Variants in VPS8 observed in about 807,000 individuals in gnomAD.
VPS8 encodes vacuolar protein sorting-associated protein 8 homolog.
In VPS8, 129 loss-of-function variants were observed where a neutral mutation model predicts 216.4. The ratio of observed to expected loss-of-function variants is 0.60; its 90% CI spans 0.52 to 0.69. The LOEUF (loss-of-function observed/expected upper bound fraction) is 0.69. Among genes scored for constraint, VPS8 ranks in the 30% least tolerant of loss-of-function variants. The pLI, the probability that VPS8 is intolerant of heterozygous loss-of-function variation, is 0.00. For missense variants in VPS8, 1,531 were observed against 1,683.5 expected (o/e 0.91, Z 1.59); for synonymous variants, 571 against 565.4 (o/e 1.01, Z -0.14).
At chr3:184,879,566 G>T (rs1027976756) in intron 21 of VPS8, among the ~76,000 whole-genome samples, 2 of 152,178 alleles carry the variant, frequency 1.3e-5, no homozygotes, top group African/African-American at 4.8e-5. Flanking sequence ...GCAAGAGAAG[G>T]ACTTGTTCTT....
intron 9 of VPS8, 103 bp downstream of exon 9, chr3:184,849,298 A>C: frequency 4.4e-6 from 6 of 1,355,182 alleles, no homozygotes; most frequent in Non-Finnish European, 6.0e-6. Flanking sequence ...GTTATGAAGT[A>C]ATATGTTTGT....
In VPS8 at chr3:185,051,857, G is replaced by A. The variant is rs746724353; in HGVS notation, c.4138-19G>A. 4.4e-5 allele frequency: 70 copies of A among 1,577,714 alleles called. No homozygotes were observed. Among genetic ancestry groups the A allele is most frequent in the Non-Finnish European group, 5.8e-5 (67 of 1,162,170 alleles). On this transcript the variant is annotated intron_variant, in intron 47 of 47. Coordinates refer to ENST00000625842, the MANE Select transcript of VPS8 (RefSeq NM_001009921.3). The stretch of plus-strand genomic sequence containing the variant: ...CTGCTCCCCACAAACCTTAGCTGAT[G>A]TGTGTCCTTCCTTTGCAGCTGGCTC...
intron 21 of VPS8, among the ~76,000 whole-genome samples, chr3:184,875,056 C>CTTTT (rs5855044): frequency 2.2e-4 from 22 of 100,272 alleles, no homozygotes; most frequent in Admixed American, 2.2e-4. Context: ...GTTTTTAAAA[C>CTTTT]TTTTTTTTTT....
At chr3:185,032,059 G>A (rs924862148) in intron 46 of VPS8, among the ~76,000 whole-genome samples, 1 of 152,080 alleles carries the variant, frequency 6.6e-6, no homozygotes, top group African/African-American at 2.4e-5. Flanking sequence ...GTCTACTTGG[G>A]AGGCTGAGGC....
intron 16 of VPS8, among the ~76,000 whole-genome samples, chr3:184,866,651 G>C (rs1172324831): frequency 1.3e-5 from 2 of 152,168 alleles, no homozygotes; most frequent in Non-Finnish European, 2.9e-5. Context: ...AACAAAAATA[G>C]TATGTAGCGC....
At chr3:184,955,557 C>T (rs113625899) in intron 36 of VPS8, among the ~76,000 whole-genome samples, 334 of 151,780 alleles carry the variant, frequency 2.2e-3, no homozygotes, top group Middle Eastern at 0.01. Context: ...TGCTGGTCTC[C>T]GCGTCTTGGT....
At chr3:184,961,130 T>TA (rs1746432719) in intron 37 of VPS8, among the ~76,000 whole-genome samples, 1 of 152,234 alleles carries the variant, frequency 6.6e-6, no homozygotes, top group Non-Finnish European at 1.5e-5. Flanking sequence ...CCATAAAACT[T>TA]AATAGACTAA....
intron 43 of VPS8, among the ~76,000 whole-genome samples, chr3:184,995,296 G>A (rs969348950): frequency 1.3e-5 from 2 of 152,084 alleles, no homozygotes; most frequent in African/African-American, 2.4e-5. Context: ...TTAAGAATCC[G>A]AGAGAAGAAA....
chr3:185,021,473 G>T (rs922058062), intron 45 of VPS8, among the ~76,000 whole-genome samples: 2 of 152,144 alleles, frequency 1.3e-5, no homozygotes, highest in African/African-American at 4.8e-5. Flanking sequence ...TCTTTCATGA[G>T]GTCACTTTTT....
At chr3:184,871,229 A>T (rs1056911158) in intron 21 of VPS8, among the ~76,000 whole-genome samples, 2 of 151,602 alleles carry the variant, frequency 1.3e-5, no homozygotes, top group Admixed American at 6.6e-5. Flanking sequence ...ATAAAATATG[A>T]TCTATAAAAT....
chr3:184,910,151 G>C (rs75979232), intron 25 of VPS8, among the ~76,000 whole-genome samples: 4 of 33,800 alleles, frequency 1.2e-4, no homozygotes, highest in African/African-American at 5.4e-4. Flanking sequence ...TTTTTTTTTT[G>C]AGACGGAGTC....
intron 36 of VPS8, among the ~76,000 whole-genome samples, chr3:184,943,847 A>G (rs1052525127): frequency 4.6e-5 from 7 of 152,226 alleles, no homozygotes; most frequent in Non-Finnish European, 8.8e-5. Flanking sequence ...CACGCCTGTA[A>G]TCCCAGTACT....
At chr3:184,962,194 A>G (rs1746651721) in intron 37 of VPS8, among the ~76,000 whole-genome samples, 1 of 152,232 alleles carries the variant, frequency 6.6e-6, no homozygotes, top group South Asian at 2.1e-4. Flanking sequence ...GATTGTTTCC[A>G]ATCTTTTGCT....
At chr3:184,898,428 C>G (rs1733910822) in intron 23 of VPS8, 137 bp from the exon 24 acceptor site, 5 of 711,276 alleles carry the variant, frequency 7.0e-6, no homozygotes, top group Non-Finnish European at 1.2e-5. Flanking sequence ...TGTTTGAGTA[C>G]TTGAATTTCA....
At chr3:184,843,316 C>A in intron 8 of VPS8, 71 bp downstream of exon 8, 1 of 1,095,088 alleles carries the variant, frequency 9.1e-7, no homozygotes, top group Non-Finnish European at 1.2e-6. Flanking sequence ...AGAATGCTAC[C>A]AATTATAGTC....
chr3:184,866,249 A>C (rs1432578780), intron 16 of VPS8, among the ~76,000 whole-genome samples: 2 of 152,250 alleles, frequency 1.3e-5, no homozygotes, highest in African/African-American at 4.8e-5. Context: ...ACTTGGCTAC[A>C]ACATGGATGA....
intron 8 of VPS8, among the ~76,000 whole-genome samples, chr3:184,845,702 C>T (rs2108625704): frequency 6.6e-6 from 1 of 151,508 alleles, no homozygotes; most frequent in African/African-American, 2.4e-5. Flanking sequence ...TTGCGGTGAG[C>T]CCAGATCGTG....
chr3:184,958,185 G>C (rs969058374), intron 37 of VPS8, among the ~76,000 whole-genome samples: 1 of 152,132 alleles, frequency 6.6e-6, no homozygotes, highest in Non-Finnish European at 1.5e-5. Flanking sequence ...TTGGCAGAGG[G>C]GAGAAAATCA....
chr3:184,849,279 A>G (rs1470808401), intron 9 of VPS8, 84 bp downstream of exon 9: 1 of 1,473,572 alleles, frequency 6.8e-7, no homozygotes, highest in African/African-American at 1.4e-5. Context: ...ATCAAAGACC[A>G]AAATACGTGT....
Sources: allele counts gnomAD v4.1 joint callset (sites outside exome capture counted in the v4.1 genomes callset), GRCh38; gene constraint gnomAD v4.1.1; transcripts MANE v1.5; gene names NCBI Gene and HGNC (gene_info 2026-07-23, HGNC 2026-07-21).